IFNAR2: variants seen among roughly 807,000 people sequenced by gnomAD.
IFNAR2 encodes the protein interferon alpha and beta receptor subunit 2.
A neutral mutation model predicts 49.4 loss-of-function variants in IFNAR2; 30 were observed. That is an observed-to-expected ratio of 0.61 (90% CI 0.45 to 0.82). IFNAR2 has a LOEUF of 0.82. Among genes scored for constraint, IFNAR2 ranks in the 40% least tolerant of loss-of-function variants. IFNAR2 has a pLI of 0.00. For missense variants in IFNAR2, 600 were observed against 622.7 expected (o/e 0.96, Z 0.39); for synonymous variants, 224 against 234.5 (o/e 0.96, Z 0.41).
chr21:33,255,646 C>T (rs1029330726), intron 7 of IFNAR2, among the ~76,000 whole-genome samples: 1 of 152,126 alleles, frequency 6.6e-6, no homozygotes. Context: ...TTTGGGGACT[C>T]CCCAACCCTT....
intron 1 of IFNAR2, among the ~76,000 whole-genome samples, chr21:33,237,078 G>GGTGGGGGT (rs57276350): frequency 6.8e-6 from 1 of 147,590 alleles, no homozygotes; most frequent in Non-Finnish European, 1.5e-5. Context: ...GGGAGAATGG[G>GGTGGGGGT]GTGTGTGTGT....
intron 1 of IFNAR2, among the ~76,000 whole-genome samples, chr21:33,234,183 CTGTGTGTGTGTGTGTGTGTGTG>C (rs61686449): frequency 5.7e-5 from 8 of 140,714 alleles, no homozygotes; most frequent in African/African-American, 1.9e-4. Context: ...AACAGAAACA[CTGTGTGTGTGTGTGTGTGTGTG>C]TGTGTGTGTG....
intron 7 of IFNAR2, among the ~76,000 whole-genome samples, chr21:33,253,440 A>C (rs538755249): frequency 1.5e-4 from 23 of 152,272 alleles, no homozygotes; most frequent in Admixed American, 6.5e-4. Context: ...GGAAGTAGCC[A>C]AGTTTCCACC....
At chr21:33,246,689 T>G (rs754192205) in intron 4 of IFNAR2, 29 bp from the exon 5 acceptor site, 1 of 1,592,256 alleles carries the variant, frequency 6.3e-7, no homozygotes, top group Non-Finnish European at 8.6e-7. Context: ...TGCTAACAAT[T>G]TCCTTTTTCC....
rs183798420 is a variant in IFNAR2 at position 33,246,033 on chromosome 21, G to T, written c.222-685G>T. On this transcript the variant is annotated intron_variant, in intron 4 of 8. Coordinates refer to ENST00000342136, the MANE Select transcript of IFNAR2 (RefSeq NM_001289125.3). Reference sequence around the variant, plus strand: ...AAGGGAGATCTGAGGCTTCCACCATGAGGGCCCAAGTTTCATTCATTCATT... The same window carrying T: ...AAGGGAGATCTGAGGCTTCCACCATTAGGGCCCAAGTTTCATTCATTCATT... 6.6e-5 allele frequency among the ~76,000 whole-genome samples: 10 copies of T among 151,734 alleles called. No homozygotes were observed. In the East Asian group the frequency reaches 1.7e-3, roughly 26 times the overall value.
chr21:33,237,116 C>T (rs916087354), intron 1 of IFNAR2, among the ~76,000 whole-genome samples: 4 of 90,018 alleles, frequency 4.4e-5, no homozygotes, highest in African/African-American at 1.9e-4. Flanking sequence ...TGTGTTTTCT[C>T]GGCTGCTGAA....
At chr21:33,234,989 G>A (rs979300779) in intron 1 of IFNAR2, among the ~76,000 whole-genome samples, 17 of 152,228 alleles carry the variant, frequency 1.1e-4, no homozygotes, top group African/African-American at 4.1e-4. Flanking sequence ...GTCTGCAAAA[G>A]GGGTGGGAGT....
intron 5 of IFNAR2, among the ~76,000 whole-genome samples, chr21:33,248,496 A>G (rs2073362): frequency 0.075 from 11,349 of 152,312 alleles, 594 homozygotes; most frequent in East Asian, 0.2. Context: ...TAAGTCTTTA[A>G]TAAAAATCAG....
chr21:33,230,536 C>A lies in IFNAR2; in HGVS notation c.-84+320C>A. 4.2e-6 allele frequency: 2 copies of A among 471,032 alleles called. No individual in the cohort carries two copies. The allele number at this position is 471,032 out of a possible 1,614,324, so 29.2% of individuals were successfully genotyped here. A position where few individuals can be genotyped will look rare whatever the true frequency, so the allele number is the denominator to read the frequency against. ...ACCCCACCAAGGATGCCCAGGATAC[C>A]GGGCATTTGCCACTGCAAGATGTGA... is the stretch of plus-strand genomic sequence containing the variant. On this transcript the variant is annotated intron_variant, in intron 1 of 8. Transcript: ENST00000342136. This position sits in a 1 kb window ranked among gnomAD's most constrained non-coding sequence, Gnocchi z 5.5.
chr21:33,241,616 C>A lies in IFNAR2; in HGVS notation c.-83-224C>A, dbSNP rs558861465. Among the ~76,000 whole-genome samples, 7 of 144,538 alleles carry A rather than the reference C, an allele frequency of 4.8e-5. 1 individual carries two copies. The highest frequency in any genetic ancestry group is 3.6e-4 in the Admixed American group (5 of 13,858). The allele number at this position is 144,538 out of a possible 152,430, so 94.8% of individuals were successfully genotyped here. A position where few individuals can be genotyped will look rare whatever the true frequency, so the allele number is the denominator to read the frequency against. On this transcript the variant is annotated intron_variant, in intron 1 of 8. Transcript: ENST00000342136. ...AGAAAAAAAAGTTTTCTAAAGGGAG[C>A]AAGACTTTTCACAATTTTTTTTTTG...
At chr21:33,253,541 A>T (rs1988007803) in intron 7 of IFNAR2, among the ~76,000 whole-genome samples, 1 of 152,126 alleles carries the variant, frequency 6.6e-6, no homozygotes, top group Non-Finnish European at 1.5e-5. Flanking sequence ...AGAGGTCCCA[A>T]TCCATACCCC....
intron 1 of IFNAR2, among the ~76,000 whole-genome samples, chr21:33,238,049 C>G (rs188579013): frequency 6.6e-6 from 1 of 152,296 alleles, no homozygotes; most frequent in Admixed American, 6.5e-5. Flanking sequence ...CCCTCCTGCA[C>G]ACATAACTCA....
At chr21:33,254,881 T>C (rs1988103534) in intron 7 of IFNAR2, among the ~76,000 whole-genome samples, 2 of 152,186 alleles carry the variant, frequency 1.3e-5, no homozygotes. Context: ...TGGTCACTCA[T>C]ATTTGACTCA....
At chr21:33,258,278 C>G (rs1390317422) in intron 7 of IFNAR2, among the ~76,000 whole-genome samples, 3 of 152,080 alleles carry the variant, frequency 2.0e-5, no homozygotes, top group Non-Finnish European at 4.4e-5. Flanking sequence ...GTACTCCAGC[C>G]TGAGCTACAG....
chr21:33,254,176 G>C (rs899089830), intron 7 of IFNAR2, among the ~76,000 whole-genome samples: 1 of 152,120 alleles, frequency 6.6e-6, no homozygotes, highest in African/African-American at 2.4e-5. Flanking sequence ...CTCAGCCAAG[G>C]GCCGAGTAAA....
intron 7 of IFNAR2, among the ~76,000 whole-genome samples, chr21:33,254,280 C>T (rs529884387): frequency 1.3e-5 from 2 of 152,138 alleles, no homozygotes; most frequent in African/African-American, 4.8e-5. Flanking sequence ...AATTCAGGCA[C>T]AGCTGGCCAG....
At chr21:33,252,170 T>A in intron 6 of IFNAR2, 1 of 470,886 alleles carries the variant, frequency 2.1e-6, no homozygotes, top group South Asian at 1.6e-5. Flanking sequence ...TCAGTCAGTT[T>A]TGTCACAGAC....
At chr21:33,236,913 A>G in intron 1 of IFNAR2, 9 of 982,560 alleles carry the variant, frequency 9.2e-6, no homozygotes, top group Non-Finnish European at 1.1e-5. Context: ...GTAGTCAGCA[A>G]GAGTTTTAAG....
In IFNAR2 at chr21:33,263,129, G is replaced by C; in HGVS notation, c.1177G>C (p.Gly393Arg). The change falls in exon 9 of 9, where the codon GGG becomes CGG. Residue 393 changes from glycine (G) to arginine (R), a missense_variant. Gly to Arg is a moderately radical substitution (Grantham distance 125, BLOSUM62 -2). Transcript: ENST00000342136. ...CCCTCAGCAGTTGGAACTCTTGAGT[G>C]GGCCCTGTGAGAGGAGAAAGAGTCC... is the stretch of plus-strand genomic sequence containing the variant. Reference protein sequence around the residue: ...DSPQQLELLSGPCERRKSPLQ... With the variant: ...DSPQQLELLSRPCERRKSPLQ... 1 of 1,614,188 alleles carries C rather than the reference G, an allele frequency of 6.2e-7. No individual in the cohort carries two copies. The highest frequency in any genetic ancestry group is 8.5e-7 in the Non-Finnish European group (1 of 1,180,042).
Sources: gnomAD v4.1 joint callset for allele counts (sites outside exome capture counted in the v4.1 genomes callset) on GRCh38, gnomAD v4.1.1 for gene constraint, Gnocchi (gnomAD v3.1) non-coding constraint, MANE v1.5 for transcripts, NCBI Gene and HGNC (gene_info 2026-07-23, HGNC 2026-07-21) for gene names.